ROBO2: variants seen among roughly 807,000 people sequenced by gnomAD.
ROBO2 encodes roundabout homolog 2.
Under a neutral mutation model 160.8 loss-of-function variants are expected in ROBO2, and 53 were observed. The observed-to-expected ratio is 0.33, with a 90% confidence interval of 0.26 to 0.41. The LOEUF is 0.41. Ranked by LOEUF, ROBO2 falls within the 10% of genes least tolerant of loss-of-function variation. ROBO2 has a pLI of 1.00. For missense variants in ROBO2, 1,577 were observed against 1,722.4 expected (o/e 0.92, Z 1.49); for synonymous variants, 664 against 611.7 (o/e 1.09, Z -1.26).
At chr3:77,455,168 G>C (rs1355632011) in intron 2 of ROBO2, among the ~76,000 whole-genome samples, 2 of 152,116 alleles carry the variant, frequency 1.3e-5, no homozygotes, top group African/African-American at 4.8e-5. Context: ...AGAATTACTA[G>C]TATAAATAGC....
At chr3:76,745,119 C>A (rs920374994) in intron 2 of ROBO2, among the ~76,000 whole-genome samples, 7 of 152,090 alleles carry the variant, frequency 4.6e-5, no homozygotes, top group Non-Finnish European at 5.9e-5. Context: ...GAGGATTAAT[C>A]TTTTTGCTAT....
At chr3:77,313,615 C>T (rs375039052) in intron 2 of ROBO2, among the ~76,000 whole-genome samples, 3 of 151,916 alleles carry the variant, frequency 2.0e-5, no homozygotes, top group Non-Finnish European at 4.4e-5. Context: ...GATGGAGTTT[C>T]GCTCTTGTTG....
intron 2 of ROBO2, among the ~76,000 whole-genome samples, chr3:76,656,943 C>CTATTTAGTCTTTAACTGGCTG (rs1560317298): frequency 4.6e-5 from 7 of 150,898 alleles, no homozygotes; most frequent in African/African-American, 7.3e-5. Flanking sequence ...TTAACTGGCT[C>CTATTTAGTCTTTAACTGGCTG]TCTATTTAGT....
intron 2 of ROBO2, among the ~76,000 whole-genome samples, chr3:76,945,111 A>T (rs889524119): frequency 6.6e-6 from 1 of 151,870 alleles, no homozygotes; most frequent in Admixed American, 6.6e-5. Flanking sequence ...GATGGTCTGG[A>T]TCTCCTGACC....
At chr3:76,137,990 T>C (rs895494902) in intron 2 of ROBO2, among the ~76,000 whole-genome samples, 1 of 152,022 alleles carries the variant, frequency 6.6e-6, no homozygotes, top group African/African-American at 2.4e-5. Context: ...CATAAGGTAA[T>C]ATATTCACAA....
At chr3:76,202,899 G>T (rs895058860) in intron 2 of ROBO2, among the ~76,000 whole-genome samples, 4 of 151,818 alleles carry the variant, frequency 2.6e-5, no homozygotes, top group Non-Finnish European at 4.4e-5. Flanking sequence ...ATATACCTTG[G>T]GCTCTCTAGG....
rs114251795 is a variant in ROBO2, at chr3:76,551,195, C to G, written c.110-546819C>G. On this transcript the variant is annotated intron_variant, in intron 2 of 26. Coordinates refer to the ROBO2 transcript ENST00000487694. ...AACCCCAGACTCAGCCAGACTCACA[C>G]AGAAGTTGGGACTACCAGCTGCAGG... Among the ~76,000 whole-genome samples, 115 of 152,224 alleles carry G rather than the reference C, an allele frequency of 7.6e-4. No individual in the cohort carries two copies. The East Asian group carries it at 0.016, about 21-fold the overall frequency.
At chr3:76,112,307 A>G (rs1376300714) in intron 2 of ROBO2, among the ~76,000 whole-genome samples, 1 of 152,058 alleles carries the variant, frequency 6.6e-6, no homozygotes. Flanking sequence ...AAAACATAGT[A>G]CTATTATTAT....
chr3:75,997,499 C>CTTTTTTTT lies in ROBO2; in HGVS notation c.109+59901_109+59908dup, dbSNP rs56890342. Among the ~76,000 whole-genome samples the CTTTTTTTT allele has an allele frequency of 1.1e-4, 14 of 126,522 alleles. 4 individuals are homozygous for CTTTTTTTT. The highest frequency in any genetic ancestry group is 1.5e-4 in the Non-Finnish European group (9 of 60,844). The allele number at this position is 126,522 out of a possible 152,430, so 83.0% of individuals were successfully genotyped here. ...AAGGCATTTGTTTTGTTCATCCATT[C>CTTTTTTTT]TTTTTTTTTTTGAGACGGAGTCTCT... On this transcript the variant is annotated intron_variant, in intron 2 of 26. Transcript: ENST00000487694.
intron 2 of ROBO2, among the ~76,000 whole-genome samples, chr3:76,396,911 T>C (rs1320180545): frequency 2.6e-5 from 4 of 152,108 alleles, no homozygotes; most frequent in East Asian, 1.9e-4. Flanking sequence ...AGGTAATTTA[T>C]AGGTTCAATG....
intron 2 of ROBO2, among the ~76,000 whole-genome samples, chr3:76,458,685 A>T (rs1337110010): frequency 6.6e-6 from 1 of 152,200 alleles, no homozygotes; most frequent in East Asian, 1.9e-4. Context: ...AGGAGGTTTA[A>T]TTCGACTTAC....
intron 2 of ROBO2, among the ~76,000 whole-genome samples, chr3:77,462,831 T>C (rs1160650724): frequency 1.3e-5 from 2 of 152,192 alleles, no homozygotes; most frequent in Non-Finnish European, 2.9e-5. Flanking sequence ...GATTGTTTTA[T>C]GTGCATGCAA....
chr3:76,059,540 C>T (rs1309130355), intron 2 of ROBO2, among the ~76,000 whole-genome samples: 6 of 151,952 alleles, frequency 3.9e-5, no homozygotes, highest in African/African-American at 1.5e-4. Flanking sequence ...ATTGTAGATT[C>T]TGGATATTAG....
chr3:76,358,765 AT>A lies in ROBO2; in HGVS notation c.109+421171del, dbSNP rs530339146. On this transcript the variant is annotated intron_variant, in intron 2 of 26. Coordinates refer to the ROBO2 transcript ENST00000487694. ...TAAGATGAAAGTTGATGCTGTTTAA[AT>A]TTTTTTTATTTTATTATTATTATAC... Among the ~76,000 whole-genome samples, 34 of 151,788 alleles carry A rather than the reference AT, an allele frequency of 2.2e-4. No homozygotes were observed. In the South Asian group the frequency reaches 5.8e-3, roughly 26 times the overall value.
chr3:76,564,370 G>T (rs2084385412), intron 2 of ROBO2, among the ~76,000 whole-genome samples: 2 of 151,234 alleles, frequency 1.3e-5, no homozygotes, highest in African/African-American at 4.9e-5. Flanking sequence ...AATAAATAAA[G>T]AGCTTCTTAC....
At chr3:76,128,218 T>C (rs759054567) in intron 2 of ROBO2, among the ~76,000 whole-genome samples, 1 of 152,110 alleles carries the variant, frequency 6.6e-6, no homozygotes, top group Non-Finnish European at 1.5e-5. Flanking sequence ...CTAAGGATCA[T>C]GTAAAGCAGC....
intron 2 of ROBO2, among the ~76,000 whole-genome samples, chr3:76,639,803 C>T (rs9842251): frequency 0.3 from 44,932 of 151,880 alleles, 7,559 homozygotes; most frequent in African/African-American, 0.46. Flanking sequence ...ATAAATTGGA[C>T]GAAAGGGAAA....
chr3:77,098,446 CT>C, intron 2 of ROBO2, 106 bp downstream of exon 2: 1 of 1,146,240 alleles, frequency 8.7e-7, no homozygotes, highest in Non-Finnish European at 1.3e-6. Context: ...AATCAACACA[CT>C]GCATAATTTT....
chr3:76,215,849 A>G (rs1575920387), intron 2 of ROBO2, among the ~76,000 whole-genome samples: 1 of 152,302 alleles, frequency 6.6e-6, no homozygotes, highest in East Asian at 1.9e-4. Flanking sequence ...GCTCCAAGAC[A>G]CATAACTGGC....
Sources: allele counts gnomAD v4.1 joint callset (sites outside exome capture counted in the v4.1 genomes callset), GRCh38; gene constraint gnomAD v4.1.1; transcripts MANE v1.5; gene names NCBI Gene and HGNC (gene_info 2026-07-23, HGNC 2026-07-21).